The following ITPRID1 variants were observed in gnomAD, a reference collection of about 807,000 sequenced individuals.
ITPRID1 encodes ITPR interacting domain containing 1.
ITPRID1 carries 96 observed loss-of-function variants against 95.4 expected under a neutral mutation model. That is an observed-to-expected ratio of 1.01 (90% CI 0.85 to 1.19). The LOEUF (loss-of-function observed/expected upper bound fraction) is 1.19. Ranked by LOEUF, ITPRID1 falls within the 50% of genes most tolerant of loss-of-function variation. The pLI, the probability that ITPRID1 is intolerant of heterozygous loss-of-function variation, is 0.00. For missense variants in ITPRID1, 1,339 were observed against 1,252.9 expected (o/e 1.07, Z -1.04); for synonymous variants, 510 against 453.6 (o/e 1.12, Z -1.58).
At chr7:31,536,396 C>G (rs73307513) in intron 1 of ITPRID1, among the ~76,000 whole-genome samples, 1,765 of 152,160 alleles carry the variant, frequency 0.012, 30 homozygotes, top group African/African-American at 0.04. Flanking sequence ...CAGCTAGATT[C>G]ATTAGCTTAT....
At chr7:31,546,549 A>G (rs1179024917) in intron 1 of ITPRID1, among the ~76,000 whole-genome samples, 1 of 152,114 alleles carries the variant, frequency 6.6e-6, no homozygotes, top group Non-Finnish European at 1.5e-5. Flanking sequence ...GTTAGTGTGC[A>G]CTTTCTGATG....
At chr7:31,650,764 A>G (rs1043403616) in intron 12 of ITPRID1, among the ~76,000 whole-genome samples, 1 of 152,218 alleles carries the variant, frequency 6.6e-6, no homozygotes, top group Non-Finnish European at 1.5e-5. Context: ...GGCAGTACCC[A>G]GCAACAAAGT....
intron 1 of ITPRID1, among the ~76,000 whole-genome samples, chr7:31,521,448 T>G (rs1330284408): frequency 2.0e-5 from 3 of 152,214 alleles, no homozygotes; most frequent in Non-Finnish European, 4.4e-5. Flanking sequence ...TGATTTCTAT[T>G]CTTGGAAACT....
intron 10 of ITPRID1, among the ~76,000 whole-genome samples, chr7:31,598,398 C>CTTTTTTTTTTTTT (rs869161999): frequency 3.2e-3 from 343 of 106,774 alleles, no homozygotes; most frequent in African/African-American, 4.1e-3. Context: ...TTTTTTTTTT[C>CTTTTTTTTTTTTT]TTTTTTTTTT....
rs1301160509 is a variant in ITPRID1, at chr7:31,642,556, C to G, written c.1312-126C>G. ...ACCTTGGTAAAGAGGTAAACAGATG[C>G]AAAACCTGATGTTGCAACCCTTATC... On this transcript the variant is annotated intron_variant, in intron 11 of 14. Coordinates refer to ENST00000615280, the MANE Select transcript of ITPRID1 (RefSeq NM_001257967.3). 7.0e-6 allele frequency: 6 copies of G among 852,876 alleles called. No homozygotes were observed. The Admixed American group carries it at 1.2e-4, about 17-fold the overall frequency. 52.8% of individuals were successfully genotyped at this position (852,876 alleles called of 1,614,324 possible).
intron 5 of ITPRID1, among the ~76,000 whole-genome samples, chr7:31,557,683 T>C (rs1784495150): frequency 1.3e-5 from 2 of 152,138 alleles, no homozygotes; most frequent in African/African-American, 2.4e-5. Flanking sequence ...ATACTATACA[T>C]ACATTATCTT....
intron 10 of ITPRID1, among the ~76,000 whole-genome samples, chr7:31,634,075 T>A (rs1035027942): frequency 6.6e-6 from 1 of 152,180 alleles, no homozygotes; most frequent in Non-Finnish European, 1.5e-5. Context: ...ACCAGGTTCT[T>A]CCACTCTGTG....
chr7:31,548,129 T>A (rs529516518), intron 1 of ITPRID1, among the ~76,000 whole-genome samples: 1 of 152,002 alleles, frequency 6.6e-6, no homozygotes, highest in African/African-American at 2.4e-5. Flanking sequence ...TGTTTGAAAT[T>A]AGGATTTTGG....
At position 31,643,753 on chromosome 7, in the gene ITPRID1, A is replaced by G. The variant is rs189731201; in HGVS notation, c.2383A>G (p.Met795Val). ...LDSGFSSICP[M>V]GTCHAIPAHC... The stretch of plus-strand genomic sequence containing the variant: ...CTCAGGCTTCTCTAGTATCTGCCCA[A>G]TGGGCACCTGCCATGCTATACCTGC... The change falls in exon 12 of 15, where the codon ATG becomes GTG. Residue 795 changes from methionine to valine, a missense_variant. Coordinates refer to ENST00000615280, the MANE Select transcript of ITPRID1 (RefSeq NM_001257967.3). 3.3e-5 allele frequency: 53 copies of G among 1,613,958 alleles called. No individual in the cohort carries two copies. Among genetic ancestry groups the G allele is most frequent in the African/African-American group, 2.3e-4 (17 of 75,052 alleles).
intron 1 of ITPRID1, among the ~76,000 whole-genome samples, chr7:31,546,847 T>C (rs1784113759): frequency 6.6e-6 from 1 of 151,998 alleles, no homozygotes; most frequent in Non-Finnish European, 1.5e-5. Flanking sequence ...AAGGGGCCTT[T>C]AAAGCCACAC....
chr7:31,583,739 G>A (rs577895074), intron 10 of ITPRID1, among the ~76,000 whole-genome samples: 1 of 152,260 alleles, frequency 6.6e-6, no homozygotes, highest in East Asian at 1.9e-4. Context: ...TGTGTGGCTT[G>A]TCTGACACTA....
intron 10 of ITPRID1, among the ~76,000 whole-genome samples, chr7:31,633,567 A>G (rs1443313739): frequency 6.6e-6 from 1 of 152,228 alleles, no homozygotes; most frequent in African/African-American, 2.4e-5. Flanking sequence ...TCTGGTCTGA[A>G]CAATTCACAC....
chr7:31,517,277 A>T (rs1478944579), intron 1 of ITPRID1: 1 of 152,144 alleles, frequency 6.6e-6, no homozygotes, highest in African/African-American at 2.4e-5. Context: ...AGTCCATTTT[A>T]CAGAGAGCTG....
chr7:31,624,077 C>A (rs1003006250), intron 10 of ITPRID1, among the ~76,000 whole-genome samples: 30 of 150,624 alleles, frequency 2.0e-4, no homozygotes, highest in Non-Finnish European at 1.5e-5. Context: ...ATGTGAAGGA[C>A]CTCTTCAAGG....
intron 10 of ITPRID1, among the ~76,000 whole-genome samples, chr7:31,584,740 T>C (rs1175775077): frequency 6.6e-6 from 1 of 152,222 alleles, no homozygotes; most frequent in Non-Finnish European, 1.5e-5. Context: ...ACTAGTTCAA[T>C]TAATGGGAAA....
intron 10 of ITPRID1, among the ~76,000 whole-genome samples, chr7:31,637,101 G>A (rs1014182469): frequency 6.6e-5 from 10 of 151,990 alleles, no homozygotes; most frequent in African/African-American, 2.4e-4. Context: ...ATTCCATGGT[G>A]TATATGTGCC....
intron 10 of ITPRID1, among the ~76,000 whole-genome samples, chr7:31,608,303 C>A (rs1276443961): frequency 1.3e-5 from 2 of 151,928 alleles, no homozygotes; most frequent in Non-Finnish European, 2.9e-5. Flanking sequence ...ACATCTTTCA[C>A]CTTTGTTCTT....
At chr7:31,519,926 G>T (rs986686679) in intron 1 of ITPRID1, among the ~76,000 whole-genome samples, 1 of 150,936 alleles carries the variant, frequency 6.6e-6, no homozygotes, top group Non-Finnish European at 1.5e-5. Context: ...AACTAAGTCC[G>T]CCTTTATTTA....
intron 10 of ITPRID1, among the ~76,000 whole-genome samples, chr7:31,613,360 G>A (rs1276386270): frequency 6.6e-6 from 1 of 152,044 alleles, no homozygotes; most frequent in East Asian, 1.9e-4. Context: ...AGTTAATTTT[G>A]ACAGGTTTTG....
Sources: allele counts gnomAD v4.1 joint callset (sites outside exome capture counted in the v4.1 genomes callset), GRCh38; gene constraint gnomAD v4.1.1; transcripts MANE v1.5; gene names NCBI Gene and HGNC (gene_info 2026-07-23, HGNC 2026-07-21).